LMX1A: variants seen among roughly 807,000 people sequenced by gnomAD.
LMX1A encodes the protein LIM homeobox transcription factor 1-alpha.
In LMX1A, 15 loss-of-function variants were observed where a neutral mutation model predicts 49.1. That is an observed-to-expected ratio of 0.31 (90% CI 0.20 to 0.47). The LOEUF (loss-of-function observed/expected upper bound fraction) is 0.47, where lower values mean the gene tolerates loss of function less well. Among genes scored for constraint, LMX1A ranks in the 20% least tolerant of loss-of-function variants. The pLI is 1.00. For synonymous variants in LMX1A, 167 were observed against 185.7 expected (o/e 0.90, Z 0.82); for missense variants, 372 against 475.8 (o/e 0.78, Z 2.03).
chr1:165,215,305 C>A (rs994959778), intron 4 of LMX1A, among the ~76,000 whole-genome samples: 3 of 152,202 alleles, frequency 2.0e-5, no homozygotes, highest in Non-Finnish European at 4.4e-5. Context: ...CAGAGCAAGA[C>A]TCTTGTCTCC....
chr1:165,343,945 G>A (rs1027063350), intron 3 of LMX1A, among the ~76,000 whole-genome samples: 5 of 152,180 alleles, frequency 3.3e-5, no homozygotes, highest in African/African-American at 9.7e-5. Flanking sequence ...CCATCCCAAT[G>A]TGAATTATTT....
chr1:165,230,249 A>G (rs1652193045), intron 4 of LMX1A, among the ~76,000 whole-genome samples: 1 of 152,242 alleles, frequency 6.6e-6, no homozygotes, highest in South Asian at 2.1e-4. Context: ...GCCTGAGCAG[A>G]CAAAAACAGG....
chr1:165,247,054 CTTTTTTTTTTT>C (rs71097567), intron 4 of LMX1A, among the ~76,000 whole-genome samples: 674 of 53,264 alleles, frequency 0.013, 42 homozygotes, highest in African/African-American at 0.046. Flanking sequence ...TCAGCTTTTT[CTTTTTTTTTTT>C]TTTTTTTTTT....
At chr1:165,313,332 T>A (rs1003507066) in intron 3 of LMX1A, among the ~76,000 whole-genome samples, 105 of 152,224 alleles carry the variant, frequency 6.9e-4, no homozygotes, top group African/African-American at 2.3e-3. Flanking sequence ...GAAACACATA[T>A]CCTAAACCCT....
chr1:165,325,673 C>T (rs950854627), intron 3 of LMX1A, among the ~76,000 whole-genome samples: 1 of 152,006 alleles, frequency 6.6e-6, no homozygotes, highest in South Asian at 2.1e-4. Flanking sequence ...GTGCCTCCCC[C>T]CTCCCTCTCT....
At chr1:165,308,731 G>T (rs1000511020) in intron 3 of LMX1A, among the ~76,000 whole-genome samples, 1 of 152,112 alleles carries the variant, frequency 6.6e-6, no homozygotes, top group Non-Finnish European at 1.5e-5. Flanking sequence ...ACATTCCACA[G>T]CTTGGGTCTA....
At chr1:165,213,504 G>C (rs1261623505) in intron 5 of LMX1A, 137 bp downstream of exon 5, 2 of 776,764 alleles carry the variant, frequency 2.6e-6, no homozygotes, top group Non-Finnish European at 4.2e-6. Flanking sequence ...CAACAGGCTT[G>C]AGCCGCCTGT....
chr1:165,305,879 T>C (rs142337938), intron 3 of LMX1A, among the ~76,000 whole-genome samples: 349 of 152,196 alleles, frequency 2.3e-3, no homozygotes, highest in South Asian at 8.5e-3. Context: ...CCAAGAGCCA[T>C]AGCACATGCA....
chr1:165,310,815 G>A (rs1386343850), intron 3 of LMX1A, among the ~76,000 whole-genome samples: 2 of 152,192 alleles, frequency 1.3e-5, no homozygotes, highest in Non-Finnish European at 2.9e-5. Flanking sequence ...CATTGCTCAG[G>A]CATTTGCAAT....
intron 3 of LMX1A, among the ~76,000 whole-genome samples, chr1:165,316,067 A>AC (rs1234827064): frequency 9.9e-5 from 15 of 151,964 alleles, no homozygotes; most frequent in Non-Finnish European, 2.2e-4. Flanking sequence ...GTGCATAGAC[A>AC]CCCCCTCACC....
chr1:165,293,091 G>A (rs6677100), intron 3 of LMX1A, among the ~76,000 whole-genome samples: 2,350 of 150,636 alleles, frequency 0.016, 63 homozygotes, highest in African/African-American at 0.054. Context: ...TACTCTAGCC[G>A]GGCGACAGAG....
At chr1:165,252,800 A>G (rs1363808009) in intron 3 of LMX1A, among the ~76,000 whole-genome samples, 2 of 152,204 alleles carry the variant, frequency 1.3e-5, no homozygotes, top group Non-Finnish European at 2.9e-5. Flanking sequence ...TGCTCTGCTA[A>G]TGAGCCCCAC....
chr1:165,260,676 C>T (rs1307370835), intron 3 of LMX1A, among the ~76,000 whole-genome samples: 1 of 152,124 alleles, frequency 6.6e-6, no homozygotes, highest in Non-Finnish European at 1.5e-5. Context: ...TAACAATGCT[C>T]AAAACACTGA....
At position 165,203,654 on chromosome 1, in the gene LMX1A, A is replaced by G. The variant is rs895028542; in HGVS notation, c.*226T>C. 2.4e-5 allele frequency: 10 copies of G among 414,676 alleles called. No homozygotes were observed. Among genetic ancestry groups the G allele is most frequent in the Non-Finnish European group, 3.9e-5 (9 of 229,234 alleles). The allele number at this position is 414,676 out of a possible 1,614,324, so 25.7% of individuals were successfully genotyped here. ...TGTCCTTAATGATAAACACGTCTTC[A>G]TATCTAATGCTAAGACTCTTATTAG... On this transcript the variant is annotated 3_prime_UTR_variant, in exon 9 of 9. Transcript: ENST00000342310.
chr1:165,302,919 A>G (rs1370621928), intron 3 of LMX1A, among the ~76,000 whole-genome samples: 1 of 152,208 alleles, frequency 6.6e-6, no homozygotes, highest in Non-Finnish European at 1.5e-5. Context: ...TCATGTGCTT[A>G]ACTGAAATGA....
intron 3 of LMX1A, among the ~76,000 whole-genome samples, chr1:165,316,847 A>G (rs556167844): frequency 6.2e-4 from 95 of 152,268 alleles, no homozygotes; most frequent in Middle Eastern, 3.4e-3. Flanking sequence ...CGGATCCCAC[A>G]GGGCACTCGG....
chr1:165,210,577 C>A, intron 6 of LMX1A, 122 bp downstream of exon 6: 1 of 534,082 alleles, frequency 1.9e-6, no homozygotes, highest in Non-Finnish European at 3.2e-6. Flanking sequence ...ATTTTTGAAT[C>A]AAGAGAACTA....
At chr1:165,268,229 C>G (rs909648365) in intron 3 of LMX1A, among the ~76,000 whole-genome samples, 3 of 152,184 alleles carry the variant, frequency 2.0e-5, no homozygotes, top group African/African-American at 7.2e-5. Context: ...CTGGACCACT[C>G]TGGATTATTT....
intron 3 of LMX1A, among the ~76,000 whole-genome samples, chr1:165,344,093 A>C (rs1656163994): frequency 6.6e-6 from 1 of 152,236 alleles, no homozygotes; most frequent in Non-Finnish European, 1.5e-5. Flanking sequence ...GAGATTCTGA[A>C]AATGGGGCTT....
Sources: gnomAD v4.1 joint callset for allele counts (sites outside exome capture counted in the v4.1 genomes callset) on GRCh38, gnomAD v4.1.1 for gene constraint, MANE v1.5 for transcripts, NCBI Gene and HGNC (gene_info 2026-07-23, HGNC 2026-07-21) for gene names.